The following AIM2 variants were observed in gnomAD, a reference collection of about 807,000 sequenced individuals.
The protein encoded by AIM2 is interferon-inducible protein AIM2.
A neutral mutation model predicts 27.7 loss-of-function variants in AIM2; 30 were observed. That is an observed-to-expected ratio of 1.08 (90% CI 0.81 to 1.47). The LOEUF (loss-of-function observed/expected upper bound fraction) is 1.47. Among genes scored for constraint, AIM2 ranks in the 40% most tolerant of loss-of-function variants. The pLI, the probability that AIM2 is intolerant of heterozygous loss-of-function variation, is 0.00. For synonymous variants in AIM2, 141 were observed against 145.3 expected, an observed-to-expected ratio of 0.97 and a Z score of 0.21; for missense variants, 358 against 411.3, an observed-to-expected ratio of 0.87 and a Z score of 1.12.
In AIM2 at chr1:159,062,530, ATT is replaced by A. The variant is rs1655872626; in HGVS notation, c.*160_*161del. The A allele has an allele frequency of 1.6e-6, 1 of 638,972 alleles. No homozygotes were observed. Among genetic ancestry groups the A allele is most frequent in the African/African-American group, 1.8e-5 (1 of 54,356 alleles). 39.6% of individuals were successfully genotyped at this position (638,972 alleles called of 1,614,324 possible). A position where few individuals can be genotyped will look rare whatever the true frequency, so the allele number is the denominator to read the frequency against. On this transcript the variant is annotated 3_prime_UTR_variant, in exon 6 of 6. Coordinates refer to ENST00000368130, the MANE Select transcript of AIM2 (RefSeq NM_004833.3). ...TTGTGATCATCTGTTGATATTCTGA[ATT>A]TGTTTATCCAGCAATTATTCTATCC...
At chr1:159,091,343 T>C (rs1657037535) in intron 1 of AIM2, among the ~76,000 whole-genome samples, 1 of 152,146 alleles carries the variant, frequency 6.6e-6, no homozygotes, top group African/African-American at 2.4e-5. Flanking sequence ...ACTGAAAAAA[T>C]GCTGGGTAGA....
intron 1 of AIM2, among the ~76,000 whole-genome samples, chr1:159,111,448 CATT>C (rs1322387486): frequency 6.6e-6 from 1 of 152,208 alleles, no homozygotes; most frequent in African/African-American, 2.4e-5. Context: ...GTTACTTTTA[CATT>C]ACGTGGGTTT....
intron 2 of AIM2, 52 bp from the exon 3 acceptor site, chr1:159,068,753 T>C: frequency 6.5e-7 from 1 of 1,543,008 alleles, no homozygotes; most frequent in Non-Finnish European, 8.8e-7. Context: ...ATATGAGCAG[T>C]GCACATTTTC....
At position 159,073,373 on chromosome 1, in the gene AIM2, C is replaced by A; in HGVS notation, c.127G>T (p.Ala43Ser). ...FNIATGKLHT[A>S]NRIQVATLMI... ...AAGGTAGCTACTTGTATTCTGTTTG[C>A]AGTATGTAGTTTGCCTGTGGCAATA... Residue 43 changes from alanine to serine, a missense_variant, in exon 2 of 6, where the codon GCA (alanine) becomes TCA (serine). Coordinates refer to ENST00000368130, the MANE Select transcript of AIM2 (RefSeq NM_004833.3). The A allele has an allele frequency of 6.2e-7, 1 of 1,614,194 alleles. No homozygotes were observed. Among genetic ancestry groups the A allele is most frequent in the Non-Finnish European group, 8.5e-7 (1 of 1,180,046 alleles).
At chr1:159,080,259 C>G (rs183608617), upstream of AIM2, among the ~76,000 whole-genome samples, 1 of 152,176 alleles carries the variant, frequency 6.6e-6, no homozygotes, top group East Asian at 1.9e-4. Flanking sequence ...TTGTAAGAAA[C>G]CACTAATTGG....
At chr1:159,069,565 C>A (rs1401332470) in intron 2 of AIM2, among the ~76,000 whole-genome samples, 3 of 147,888 alleles carry the variant, frequency 2.0e-5, no homozygotes, top group Admixed American at 2.0e-4. Context: ...TTTTTTGAGA[C>A]GGAGTCTCAC....
chr1:159,104,228 G>A (rs570057629), intron 1 of AIM2, among the ~76,000 whole-genome samples: 169 of 152,180 alleles, frequency 1.1e-3, no homozygotes, highest in African/African-American at 3.8e-3. Context: ...GCAGAGCCAC[G>A]GTGACAAGAG....
At chr1:159,102,605 C>G (rs1657341863) in intron 1 of AIM2, among the ~76,000 whole-genome samples, 1 of 152,228 alleles carries the variant, frequency 6.6e-6, no homozygotes, top group Admixed American at 6.5e-5. Flanking sequence ...GCAGAGCTGC[C>G]CAAAGCCATG....
intron 1 of AIM2, among the ~76,000 whole-genome samples, chr1:159,137,831 A>G (rs569338788): frequency 3.3e-4 from 50 of 152,260 alleles, no homozygotes; most frequent in African/African-American, 1.2e-3. Flanking sequence ...AATGTATCCA[A>G]AAGTGTTCAC....
At chr1:159,101,161 T>TA (rs1255323958) in intron 1 of AIM2, among the ~76,000 whole-genome samples, 1 of 151,722 alleles carries the variant, frequency 6.6e-6, no homozygotes, top group African/African-American at 2.4e-5. Context: ...TGGTGGGAGG[T>TA]AATTGGATCA....
At chr1:159,114,738 CA>C (rs1647285395) in intron 1 of AIM2, among the ~76,000 whole-genome samples, 1 of 152,120 alleles carries the variant, frequency 6.6e-6, no homozygotes, top group African/African-American at 2.4e-5. Context: ...ACTGAATGGG[CA>C]AAAACTGGAA....
chr1:159,137,665 G>A (rs889326467), intron 1 of AIM2, among the ~76,000 whole-genome samples: 3 of 152,102 alleles, frequency 2.0e-5, no homozygotes, highest in East Asian at 3.9e-4. Context: ...TCAAACAAAC[G>A]AACAAAAATA....
upstream of AIM2, among the ~76,000 whole-genome samples, chr1:159,144,022 C>A (rs1648161313): frequency 6.6e-6 from 1 of 152,306 alleles, no homozygotes; most frequent in Middle Eastern, 3.4e-3. Flanking sequence ...AGTTGTATAA[C>A]TTACTTGGTT....
At chr1:159,077,048 C>T (rs1656635571), upstream of AIM2, 1 of 152,238 alleles carries the variant, frequency 6.6e-6, no homozygotes, top group South Asian at 2.1e-4. Context: ...CTGGTATAAA[C>T]AAGCACACTG....
the AIM2 span, among the ~76,000 whole-genome samples, chr1:159,056,717 CAAAA>C: frequency 4.5e-5 from 2 of 44,210 alleles, no homozygotes; most frequent in East Asian, 1.2e-3. Flanking sequence ...GCCCAACCGG[CAAAA>C]AAAAAAAAAA....
intron 1 of AIM2, among the ~76,000 whole-genome samples, chr1:159,104,966 G>A (rs1041307968): frequency 6.6e-5 from 10 of 152,190 alleles, no homozygotes; most frequent in African/African-American, 1.7e-4. Flanking sequence ...TTCACCAGCC[G>A]GAAACCCCTG....
At chr1:159,124,691 T>G (rs1039844331) in intron 1 of AIM2, among the ~76,000 whole-genome samples, 3 of 152,172 alleles carry the variant, frequency 2.0e-5, no homozygotes, top group African/African-American at 7.2e-5. Flanking sequence ...CGTATTTTTG[T>G]TTACAGAGAA....
At chr1:159,115,604 A>T (rs1647314609) in intron 1 of AIM2, among the ~76,000 whole-genome samples, 1 of 152,198 alleles carries the variant, frequency 6.6e-6, no homozygotes, top group Non-Finnish European at 1.5e-5. Flanking sequence ...TATTTAATAA[A>T]TGGTGCTGGG....
intron 1 of AIM2, among the ~76,000 whole-genome samples, chr1:159,093,055 A>G (rs1657083956): frequency 6.6e-6 from 1 of 151,094 alleles, no homozygotes; most frequent in African/African-American, 2.4e-5. Context: ...AAATAAATAA[A>G]TAAATAAATA....
Sources: gnomAD v4.1 joint callset for allele counts (sites outside exome capture counted in the v4.1 genomes callset) on GRCh38, gnomAD v4.1.1 for gene constraint, MANE v1.5 for transcripts, NCBI Gene and HGNC (gene_info 2026-07-23, HGNC 2026-07-21) for gene names.